The following ARSG variants were observed in gnomAD, a reference collection of about 807,000 sequenced individuals.
ARSG encodes the protein arylsulfatase G, also known as ASG.
In ARSG, 37 loss-of-function variants were observed where a neutral mutation model predicts 50.5. The ratio of observed to expected loss-of-function variants is 0.73; its 90% CI spans 0.56 to 0.96. The LOEUF (loss-of-function observed/expected upper bound fraction) is 0.96, where lower values mean the gene tolerates loss of function less well. ARSG is among the 50% of genes least tolerant of loss of function. The pLI is 0.00. For missense variants in ARSG, 629 were observed against 675.3 expected, an observed-to-expected ratio of 0.93 and a Z score of 0.76; for synonymous variants, 225 against 254.6, an observed-to-expected ratio of 0.88 and a Z score of 1.11.
intron 2 of ARSG, among the ~76,000 whole-genome samples, chr17:68,319,327 C>T (rs9890694): frequency 0.11 from 16,587 of 152,146 alleles, 1,084 homozygotes; most frequent in African/African-American, 0.17. Context: ...TGTAAGCTCT[C>T]GGCATGGTGG....
intron 2 of ARSG, among the ~76,000 whole-genome samples, chr17:68,310,521 C>T (rs2076809227): frequency 6.6e-6 from 1 of 152,158 alleles, no homozygotes; most frequent in African/African-American, 2.4e-5. Context: ...AGCTCCTTTC[C>T]CTTCTTAGAT....
chr17:68,398,382 C>G (rs1214794960), intron 10 of ARSG, among the ~76,000 whole-genome samples: 1 of 152,088 alleles, frequency 6.6e-6, no homozygotes, highest in African/African-American at 2.4e-5. Context: ...CAGGTGTATG[C>G]ACATGTATAC....
intron 1 of ARSG, among the ~76,000 whole-genome samples, chr17:68,300,138 G>T (rs2076358312): frequency 6.6e-6 from 1 of 152,030 alleles, no homozygotes; most frequent in South Asian, 2.1e-4. Context: ...GAGAGATGGG[G>T]TCTCGCTTTG....
intron 6 of ARSG, among the ~76,000 whole-genome samples, chr17:68,357,500 T>C (rs1481868135): frequency 2.6e-5 from 4 of 152,220 alleles, no homozygotes; most frequent in Non-Finnish European, 5.9e-5. Context: ...ACCAGGAGAA[T>C]CCAAGGTGAT....
intron 1 of ARSG, among the ~76,000 whole-genome samples, chr17:68,301,179 G>A (rs2076403620): frequency 6.6e-6 from 1 of 151,970 alleles, no homozygotes; most frequent in Non-Finnish European, 1.5e-5. Flanking sequence ...CTGGATAGAG[G>A]CATTCAAAGA....
chr17:68,415,566 G>C (rs2082312777), intron 11 of ARSG, among the ~76,000 whole-genome samples: 1 of 152,150 alleles, frequency 6.6e-6, no homozygotes, highest in African/African-American at 2.4e-5. Context: ...TAAATCCATT[G>C]TTTCTTTGTT....
chr17:68,334,993 ATTATTTAT>A (rs111875457), intron 2 of ARSG, among the ~76,000 whole-genome samples: 1 of 151,936 alleles, frequency 6.6e-6, no homozygotes, highest in African/African-American at 2.4e-5. Flanking sequence ...AGTGGCCTTT[ATTATTTAT>A]TTATTTATTT....
chr17:68,398,681 A>C (rs2147196072), intron 10 of ARSG, among the ~76,000 whole-genome samples: 1 of 152,364 alleles, frequency 6.6e-6, no homozygotes, highest in African/African-American at 2.4e-5. Context: ...CCAAGAGTTA[A>C]GGAGAGGAGC....
At chr17:68,293,951 C>A (rs139931671) in intron 1 of ARSG, among the ~76,000 whole-genome samples, 3 of 152,292 alleles carry the variant, frequency 2.0e-5, no homozygotes, top group African/African-American at 7.2e-5. Flanking sequence ...CGTGAAAACC[C>A]CTGCTTTTTT....
At chr17:68,340,566 G>A (rs1241608602) in intron 2 of ARSG, among the ~76,000 whole-genome samples, 1 of 152,154 alleles carries the variant, frequency 6.6e-6, no homozygotes, top group Non-Finnish European at 1.5e-5. Flanking sequence ...GATGACAGGT[G>A]TGAGCCACCA....
chr17:68,350,261 C>A (rs572762253), intron 4 of ARSG, among the ~76,000 whole-genome samples: 98 of 152,158 alleles, frequency 6.4e-4, no homozygotes, highest in African/African-American at 2.3e-3. Flanking sequence ...ATAGAGAGGG[C>A]CAAAAACGAT....
intron 2 of ARSG, among the ~76,000 whole-genome samples, chr17:68,324,070 CAAAA>C (rs57040262): frequency 2.1e-3 from 187 of 89,818 alleles, no homozygotes; most frequent in African/African-American, 7.2e-3. Context: ...AAAACTCCAT[CAAAA>C]AAAAAAAAAA....
chr17:68,418,949 C>T (rs1308965355), intron 11 of ARSG, among the ~76,000 whole-genome samples: 1 of 151,338 alleles, frequency 6.6e-6, no homozygotes, highest in Non-Finnish European at 1.5e-5. Context: ...GCTTTAATTC[C>T]CTTTGTTTAT....
chr17:68,290,680 G>GA (rs1219593346), upstream of ARSG, among the ~76,000 whole-genome samples: 1 of 152,246 alleles, frequency 6.6e-6, no homozygotes, highest in African/African-American at 2.4e-5. Context: ...AGGTACCTCT[G>GA]ACATTTCGCT....
At chr17:68,283,382 G>T (rs1035653133) in intron 1 of ARSG, among the ~76,000 whole-genome samples, 1 of 152,098 alleles carries the variant, frequency 6.6e-6, no homozygotes, top group Admixed American at 6.6e-5. Flanking sequence ...TTAGCCAGGC[G>T]TGGTGGCGGG....
At chr17:68,376,535 C>T (rs1053920153) in intron 8 of ARSG, among the ~76,000 whole-genome samples, 1 of 151,990 alleles carries the variant, frequency 6.6e-6, no homozygotes, top group African/African-American at 2.4e-5. Context: ...AAGCAATCTT[C>T]CCACCTTAGC....
chr17:68,364,027 C>A (rs1568525994), intron 6 of ARSG, among the ~76,000 whole-genome samples: 1 of 152,184 alleles, frequency 6.6e-6, no homozygotes. Context: ...AGGCCTGCCT[C>A]CCTCCACCCA....
chr17:68,295,113 T>C (rs1427017157), intron 1 of ARSG, among the ~76,000 whole-genome samples: 9 of 136,680 alleles, frequency 6.6e-5, no homozygotes, highest in African/African-American at 2.2e-4. Flanking sequence ...CTGTGAGTCC[T>C]GGGGGATTGA....
At chr17:68,347,916 G>C (rs2078585292) in intron 4 of ARSG, among the ~76,000 whole-genome samples, 1 of 152,152 alleles carries the variant, frequency 6.6e-6, no homozygotes, top group Non-Finnish European at 1.5e-5. Context: ...CCCTGCCCCA[G>C]TATCTCTCCC....
Sources: allele counts gnomAD v4.1 joint callset (sites outside exome capture counted in the v4.1 genomes callset), GRCh38; gene constraint gnomAD v4.1.1; transcripts MANE v1.5; gene names NCBI Gene and HGNC (gene_info 2026-07-23, HGNC 2026-07-21).